OCA2: variants seen among roughly 807,000 people sequenced by gnomAD.
OCA2 encodes P protein.
OCA2 carries 77 observed loss-of-function variants against 100.2 expected under a neutral mutation model. The ratio of observed to expected loss-of-function variants is 0.77; its 90% CI spans 0.64 to 0.93. The LOEUF is 0.93. Among genes scored for constraint, OCA2 ranks in the 40% least tolerant of loss-of-function variants. OCA2 has a pLI of 0.00. For synonymous variants in OCA2, 432 were observed against 439.2 expected (o/e 0.98, Z 0.21); for missense variants, 1,062 against 1,089.1 (o/e 0.98, Z 0.35).
chr15:27,723,224 C>T, the OCA2 span, among the ~76,000 whole-genome samples: 1 of 151,914 alleles, frequency 6.6e-6, no homozygotes, highest in Admixed American at 6.5e-5. Flanking sequence ...TCCTCCTCTG[C>T]CCCCCCACTT....
At chr15:27,798,767 A>G (rs956324573) in intron 23 of OCA2, among the ~76,000 whole-genome samples, 1 of 152,256 alleles carries the variant, frequency 6.6e-6, no homozygotes, top group African/African-American at 2.4e-5. Flanking sequence ...CAACATTCAA[A>G]ATAACACGCA....
At chr15:27,920,433 G>T (rs759938930) in intron 19 of OCA2, among the ~76,000 whole-genome samples, 1 of 152,014 alleles carries the variant, frequency 6.6e-6, no homozygotes, top group African/African-American at 2.4e-5. Flanking sequence ...AATTCAGGGA[G>T]ATAAATCAGC....
chr15:27,783,093 A>G (rs986704571), intron 23 of OCA2, among the ~76,000 whole-genome samples: 1 of 152,228 alleles, frequency 6.6e-6, no homozygotes, highest in Admixed American at 6.5e-5. Flanking sequence ...AGCACAGCCC[A>G]TTGTGATAAT....
At chr15:27,970,301 A>C (rs1471479299) in intron 14 of OCA2, among the ~76,000 whole-genome samples, 4 of 152,288 alleles carry the variant, frequency 2.6e-5, no homozygotes, top group South Asian at 2.1e-4. Flanking sequence ...AACCAAAAAA[A>C]AAACCCCATA....
At chr15:27,966,958 T>C in intron 14 of OCA2, 136 bp from the exon 15 acceptor site, 1 of 1,003,740 alleles carries the variant, frequency 1.0e-6, no homozygotes, top group Non-Finnish European at 1.5e-6. Flanking sequence ...TGAAAACCTG[T>C]CTCTACTAAA....
In OCA2 at chr15:27,910,862, A is replaced by T. The variant is rs907598761; in HGVS notation, c.2079+15265T>A. ...TCCCAGCTACTCAGGAGGCTGAGGCAGGAGAATCGCTTGAACCCAGGAGGC... is the reference window on the plus strand; with the variant it reads ...TCCCAGCTACTCAGGAGGCTGAGGCTGGAGAATCGCTTGAACCCAGGAGGC... On this transcript the variant is annotated intron_variant, in intron 19 of 23. Coordinates refer to ENST00000354638, the MANE Select transcript of OCA2 (RefSeq NM_000275.3). Among the ~76,000 whole-genome samples, 11 of 152,148 alleles carry T rather than the reference A, an allele frequency of 7.2e-5. No individual in the cohort carries two copies. In the East Asian group the frequency reaches 2.1e-3, roughly 29 times the overall value.
At chr15:27,992,850 C>T (rs936125914) in intron 9 of OCA2, among the ~76,000 whole-genome samples, 4 of 152,148 alleles carry the variant, frequency 2.6e-5, no homozygotes, top group Non-Finnish European at 4.4e-5. Context: ...CGGCCTGGCA[C>T]AGTGGCTCAC....
intron 23 of OCA2, among the ~76,000 whole-genome samples, chr15:27,781,733 A>G (rs1192362338): frequency 6.6e-6 from 1 of 152,260 alleles, no homozygotes; most frequent in Non-Finnish European, 1.5e-5. Flanking sequence ...AGTAAATAGC[A>G]TATCAGAGAG....
intron 18 of OCA2, among the ~76,000 whole-genome samples, chr15:27,943,215 A>C (rs2039711065): frequency 6.6e-6 from 1 of 152,204 alleles, no homozygotes. Context: ...TCAGGGCATG[A>C]AGGGGGTCAG....
At chr15:27,902,497 G>T (rs967508686) in intron 19 of OCA2, among the ~76,000 whole-genome samples, 1 of 152,060 alleles carries the variant, frequency 6.6e-6, no homozygotes, top group African/African-American at 2.4e-5. Context: ...CCAGTTCCTG[G>T]GTTGTTTCAG....
chr15:28,045,373 G>A (rs974771365), intron 2 of OCA2, among the ~76,000 whole-genome samples: 1 of 152,238 alleles, frequency 6.6e-6, no homozygotes, highest in African/African-American at 2.4e-5. Flanking sequence ...CATACAAGAA[G>A]AGTGTGCTTC....
intron 3 of OCA2, among the ~76,000 whole-genome samples, chr15:28,028,512 C>T (rs2042822801): frequency 6.6e-6 from 1 of 151,910 alleles, no homozygotes; most frequent in Admixed American, 6.6e-5. Flanking sequence ...GGTGGCCTAC[C>T]TGGCTTCCCA....
chr15:27,898,903 A>G (rs1005982302), intron 19 of OCA2, among the ~76,000 whole-genome samples: 4 of 152,254 alleles, frequency 2.6e-5, no homozygotes, highest in Non-Finnish European at 5.9e-5. Flanking sequence ...CATCAATTCT[A>G]TATAATCTTT....
At position 28,017,037 on chromosome 15, in the gene OCA2, A is replaced by G. The variant is rs932086102; in HGVS notation, c.808-851T>C. 1.1e-3 allele frequency among the ~76,000 whole-genome samples: 156 copies of G among 140,134 alleles called. 1 individual carries two copies. The highest frequency in any genetic ancestry group is 3.6e-3 in the African/African-American group (138 of 38,388). The allele number at this position is 140,134 out of a possible 152,430, so 91.9% of individuals were successfully genotyped here. A position where few individuals can be genotyped will look rare whatever the true frequency, so the allele number is the denominator to read the frequency against. On this transcript the variant is annotated intron_variant, in intron 7 of 23. Transcript: ENST00000354638. ...CTTGCCCCTGGGGTGCAGGAGAGTG[A>G]TCACCTGGGGAGGCAGCCTGGGGAG...
intron 18 of OCA2, among the ~76,000 whole-genome samples, chr15:27,933,998 T>C (rs1168625322): frequency 1.3e-5 from 2 of 152,192 alleles, no homozygotes; most frequent in African/African-American, 4.8e-5. Context: ...CATATATGTA[T>C]ATATCACATA....
At chr15:27,762,415 A>T (rs898025466) in intron 23 of OCA2, among the ~76,000 whole-genome samples, 1 of 152,184 alleles carries the variant, frequency 6.6e-6, no homozygotes, top group African/African-American at 2.4e-5. Context: ...AACCTAAAAT[A>T]AGCAACATCC....
chr15:28,053,376 C>T (rs114616069), intron 2 of OCA2, among the ~76,000 whole-genome samples: 14 of 152,252 alleles, frequency 9.2e-5, no homozygotes, highest in African/African-American at 3.4e-4. Context: ...CCCCCAACCT[C>T]AATAGCCTGA....
At chr15:27,820,023 C>T (rs1212962172) in intron 23 of OCA2, among the ~76,000 whole-genome samples, 1 of 152,060 alleles carries the variant, frequency 6.6e-6, no homozygotes, top group Non-Finnish European at 1.5e-5. Flanking sequence ...ACACAGGCAC[C>T]AATGGAGAGC....
chr15:27,873,880 T>G (rs2036682787), intron 19 of OCA2, among the ~76,000 whole-genome samples: 1 of 152,232 alleles, frequency 6.6e-6, no homozygotes, highest in African/African-American at 2.4e-5. Context: ...ACTGTAGGTA[T>G]ATAATGTGTA....
Sources: allele counts gnomAD v4.1 joint callset (sites outside exome capture counted in the v4.1 genomes callset), GRCh38; gene constraint gnomAD v4.1.1; transcripts MANE v1.5; gene names NCBI Gene and HGNC (gene_info 2026-07-23, HGNC 2026-07-21).